RTEL1: variants seen among roughly 807,000 people sequenced by gnomAD.
RTEL1 encodes regulator of telomere elongation helicase 1.
Under a neutral mutation model 162.2 loss-of-function variants are expected in RTEL1, and 86 were observed. The ratio of observed to expected loss-of-function variants is 0.53; its 90% CI spans 0.45 to 0.63. The LOEUF (loss-of-function observed/expected upper bound fraction) is 0.63, where lower values mean the gene tolerates loss of function less well. Among genes scored for constraint, RTEL1 ranks in the 30% least tolerant of loss-of-function variants. RTEL1 has a pLI of 0.00. For synonymous variants in RTEL1, 958 were observed against 717.9 expected (o/e 1.33, Z -5.35); for missense variants, 1,941 against 1,750.2 (o/e 1.11, Z -1.95).
At position 63,694,921 on chromosome 20, in the gene RTEL1, C is replaced by T; in HGVS notation, c.3290C>T (p.Ala1097Val). 6.2e-7 allele frequency: 1 copy of T among 1,612,608 alleles called. No homozygotes were observed. Among genetic ancestry groups the T allele is most frequent in the Non-Finnish European group, 8.5e-7 (1 of 1,179,868 alleles). ...KQDDDLDKVL[A>V]VLAALTTAKP... ...GACGACGACCTCGACAAGGTGCTGG[C>T]TGTGTTGGCCGCCCTGACCACTGCA... is the stretch of plus-strand genomic sequence containing the variant. Residue 1097 changes from alanine to valine, a missense_variant, in exon 32 of 35, where the codon GCT becomes GTT. Physicochemically the swap from Ala to Val is moderately conservative, Grantham distance 64. Coordinates refer to ENST00000360203, the MANE Select transcript of RTEL1 (RefSeq NM_001283009.2).
chr20:63,663,866 C>A (rs59270046), intron 6 of RTEL1, among the ~76,000 whole-genome samples: 1 of 152,186 alleles, frequency 6.6e-6, no homozygotes, highest in South Asian at 2.1e-4. Flanking sequence ...TAGGGCGGCG[C>A]TCCCCTGGCA....
In RTEL1 at chr20:63,690,081, C is replaced by T; in HGVS notation, c.2142-6C>T. The T allele has an allele frequency of 1.2e-6, 2 of 1,610,232 alleles. No homozygotes were observed. Among genetic ancestry groups the T allele is most frequent in the Non-Finnish European group, 1.7e-6 (2 of 1,179,528 alleles). On this transcript the variant is annotated splice_polypyrimidine_tract_variant and splice_region_variant and intron_variant, in intron 24 of 34. Coordinates refer to ENST00000360203, the MANE Select transcript of RTEL1 (RefSeq NM_001283009.2). ...GCAGGGCAGCAGGGCTATGGCCACC[C>T]CCCAGGTTCGCCTTTGCCGACGCAA...
At chr20:63,662,295 T>C in intron 4 of RTEL1, 2 of 690,948 alleles carry the variant, frequency 2.9e-6, no homozygotes, top group Non-Finnish European at 5.1e-6. Flanking sequence ...CCCAGCAGAG[T>C]CTTGGTGTTC....
chr20:63,695,015 G>T (rs754701253), intron 32 of RTEL1, 41 bp downstream of exon 32: 1 of 1,610,188 alleles, frequency 6.2e-7, no homozygotes, highest in Non-Finnish European at 8.5e-7. Context: ...TGGGGTGGGG[G>T]GCAGGGGACA....
chr20:63,696,080 T>G lies in RTEL1; in HGVS notation c.*222T>G. 1.8e-6 allele frequency: 1 copy of G among 561,706 alleles called. No homozygotes were observed. Among genetic ancestry groups the G allele is most frequent in the Non-Finnish European group, 3.1e-6 (1 of 317,846 alleles). 34.8% of individuals were successfully genotyped at this position (561,706 alleles called of 1,614,324 possible). On this transcript the variant is annotated 3_prime_UTR_variant, in exon 35 of 35. Coordinates refer to ENST00000360203, the MANE Select transcript of RTEL1 (RefSeq NM_001283009.2). ...AGCTACCTTGGGGTCTGGGGTGGGT[T>G]TCTGGGAAAGTGCTTCCCCAGAACT...
At chr20:63,694,522 C>A in intron 31 of RTEL1, 34 bp downstream of exon 31, 2 of 1,512,860 alleles carry the variant, frequency 1.3e-6, no homozygotes, top group Non-Finnish European at 1.8e-6. Flanking sequence ...CAGCCTACGA[C>A]TTGGTGGGTC....
intron 17 of RTEL1, 80 bp from the exon 18 acceptor site, chr20:63,687,857 G>GGGT: frequency 6.4e-7 from 1 of 1,570,968 alleles, no homozygotes; most frequent in Non-Finnish European, 8.6e-7. Context: ...CATGAGCCGG[G>GGGT]TGCTGGGGGT....
At position 63,691,483 on chromosome 20, in the gene RTEL1, C is replaced by T. The variant is rs150696284; in HGVS notation, c.2557-259C>T. ...ACCAGGCACCTGTGTCCCCTTCCTG[C>T]CAGCCCCTCGCTGTGGTCGGACTGT... On this transcript the variant is annotated intron_variant, in intron 27 of 34. Transcript: ENST00000360203. Among the ~76,000 whole-genome samples, 1,269 of 152,272 alleles carry T rather than the reference C, an allele frequency of 8.3e-3. 12 individuals are homozygous for T. Among genetic ancestry groups the T allele is most frequent in the African/African-American group, 0.029 (1,186 of 41,546 alleles).
rs771559773 is a variant in RTEL1 at position 63,678,341 on chromosome 20, A to T, written c.1032A>T (p.Pro344=). The T allele has an allele frequency of 6.2e-7, 1 of 1,611,636 alleles. No individual in the cohort carries two copies. The highest frequency in any genetic ancestry group is 1.1e-5 in the South Asian group (1 of 90,878). ...GAGACGACAGCGGTGTCACCAAGCC[A>T]GGGAGGTGAGAGGCGGGGAGCCAGC... is the stretch of plus-strand genomic sequence containing the variant. ...LPGDDSGVTK[P]GSYIFELFAE... Residue 344 remains proline, a synonymous_variant, in exon 12 of 35, where the codon CCA becomes CCT. Coordinates refer to ENST00000360203, the MANE Select transcript of RTEL1 (RefSeq NM_001283009.2).
rs2090649363 is a variant in RTEL1, at chr20:63,688,575, G to A, written c.1770G>A (p.Val590=). The change falls in exon 21 of 35, where the codon GTG becomes GTA. Residue 590 remains valine (V), a synonymous_variant. Transcript: ENST00000360203. The part of the protein sequence containing the change: ...RKMEALKPLF[V]EPRSKGSFSE... ...TGGAGGCGCTGAAGCCGCTGTTTGT[G>A]GAGCCCAGGAGCAAAGGCAGCTTCT... is the stretch of plus-strand genomic sequence containing the variant. 2 of 1,610,244 alleles carry A rather than the reference G, an allele frequency of 1.2e-6. No homozygotes were observed. Among genetic ancestry groups the A allele is most frequent in the Non-Finnish European group, 1.7e-6 (2 of 1,179,396 alleles).
At chr20:63,683,644 G>A (rs1191354626) in intron 14 of RTEL1, among the ~76,000 whole-genome samples, 1 of 152,212 alleles carries the variant, frequency 6.6e-6, no homozygotes, top group African/African-American at 2.4e-5. Context: ...GCTTCTTGGT[G>A]TTCCCAGCAG....
chr20:63,674,881 G>T (rs143819436), intron 10 of RTEL1, among the ~76,000 whole-genome samples: 11 of 152,062 alleles, frequency 7.2e-5, no homozygotes, highest in Admixed American at 1.3e-4. Context: ...ACCCTTCATG[G>T]ATGTTGTCAG....
In RTEL1 at chr20:63,659,349, C is replaced by G. The variant is rs1269606272; in HGVS notation, c.-54C>G. 1.1e-5 allele frequency: 15 copies of G among 1,367,108 alleles called. No homozygotes were observed. The highest frequency in any genetic ancestry group is 5.2e-6 in the Non-Finnish European group (5 of 956,492). The allele number at this position is 1,367,108 out of a possible 1,614,324, so 84.7% of individuals were successfully genotyped here. ...GTTCGGAGTGGTTTTTTCGCACAGACCCGAATAGCCTGCCCCTCAGCCACG... is the reference window on the plus strand; with the variant it reads ...GTTCGGAGTGGTTTTTTCGCACAGAGCCGAATAGCCTGCCCCTCAGCCACG... On this transcript the variant is annotated 5_prime_UTR_variant, in exon 2 of 35. Coordinates refer to ENST00000360203, the MANE Select transcript of RTEL1 (RefSeq NM_001283009.2).
chr20:63,693,385 C>T, intron 30 of RTEL1, 102 bp downstream of exon 30: 4 of 1,425,592 alleles, frequency 2.8e-6, no homozygotes, highest in Non-Finnish European at 3.8e-6. Flanking sequence ...CCCTGCTTGG[C>T]CCCGCCTCTC....
intron 20 of RTEL1, 42 bp from the exon 21 acceptor site, chr20:63,688,486 G>C: frequency 6.2e-7 from 1 of 1,606,680 alleles, no homozygotes; most frequent in Non-Finnish European, 8.5e-7. Flanking sequence ...CGGATCGGCG[G>C]CGTGACCAGG....
chr20:63,660,045 C>G (rs144357390), intron 2 of RTEL1, among the ~76,000 whole-genome samples: 56 of 152,316 alleles, frequency 3.7e-4, no homozygotes, highest in African/African-American at 1.2e-3. Flanking sequence ...ACCCAAACAT[C>G]TCGGTGGAGT....
chr20:63,672,466 G>C (rs1168126550), intron 8 of RTEL1, 90 bp from the exon 9 acceptor site: 1 of 1,063,480 alleles, frequency 9.4e-7, no homozygotes, highest in Non-Finnish European at 1.4e-6. Flanking sequence ...CTGCGCTTGT[G>C]ATGTTCGATG....
chr20:63,682,515 CA>C, intron 14 of RTEL1: 1 of 985,770 alleles, frequency 1.0e-6, no homozygotes, highest in Non-Finnish European at 1.2e-6. Flanking sequence ...CCGAATCCTG[CA>C]CACTCCATCG....
chr20:63,674,462 C>T (rs1228909154), intron 10 of RTEL1, among the ~76,000 whole-genome samples: 3 of 152,206 alleles, frequency 2.0e-5, no homozygotes, highest in Non-Finnish European at 4.4e-5. Flanking sequence ...GAAAACTCTA[C>T]TTTGTGAAGC....
Sources: gnomAD v4.1 joint callset for allele counts (sites outside exome capture counted in the v4.1 genomes callset) on GRCh38, gnomAD v4.1.1 for gene constraint, MANE v1.5 for transcripts, NCBI Gene and HGNC (gene_info 2026-07-23, HGNC 2026-07-21) for gene names.